ACTR2: variants seen among roughly 807,000 people sequenced by gnomAD.
The protein encoded by ACTR2 is actin-related protein 2.
A neutral mutation model predicts 50.2 loss-of-function variants in ACTR2; 5 were observed. The ratio of observed to expected loss-of-function variants is 0.10; its 90% CI spans 0.05 to 0.21. The LOEUF (loss-of-function observed/expected upper bound fraction) is 0.21. ACTR2 is among the 10% of genes least tolerant of loss of function. The pLI is 1.00. For synonymous variants in ACTR2, 140 were observed against 162.9 expected (o/e 0.86, Z 1.07); for missense variants, 180 against 480.6 (o/e 0.37, Z 5.85).
intron 6 of ACTR2, among the ~76,000 whole-genome samples, chr2:65,259,460 G>GCCA (rs1452696812): frequency 2.0e-5 from 3 of 152,080 alleles, no homozygotes; most frequent in African/African-American, 7.2e-5. Flanking sequence ...AGGCATGGTG[G>GCCA]CTCATGCCTG....
At chr2:65,228,383 T>C (rs1671571172) in intron 1 of ACTR2, 1 of 161,222 alleles carries the variant, frequency 6.2e-6, no homozygotes, top group Admixed American at 6.7e-5. Flanking sequence ...TCTTCCTGTA[T>C]AGTTGAAGAT....
At chr2:65,246,784 T>G in intron 3 of ACTR2, 45 bp downstream of exon 3, 1 of 1,340,020 alleles carries the variant, frequency 7.5e-7, no homozygotes, top group Non-Finnish European at 1.0e-6. Flanking sequence ...TCTGTGATAT[T>G]ATGTTAAATC....
chr2:65,267,582 A>C (rs1173664427), intron 8 of ACTR2, among the ~76,000 whole-genome samples: 1 of 152,222 alleles, frequency 6.6e-6, no homozygotes, highest in Non-Finnish European at 1.5e-5. Context: ...TTGACCAACC[A>C]TAAAGATAAG....
chr2:65,268,552 T>A lies in ACTR2; in HGVS notation c.1015-12T>A. ...ACATGTACCATTTCATTATCCTTTC[T>A]TTCTCCTTTAGAAATTTAAGATCCG... On this transcript the variant is annotated splice_polypyrimidine_tract_variant and intron_variant, in intron 8 of 8. Coordinates refer to ENST00000260641, the MANE Select transcript of ACTR2 (RefSeq NM_005722.4). The A allele has an allele frequency of 6.2e-7, 1 of 1,608,274 alleles. No homozygotes were observed.
At chr2:65,253,214 C>G (rs1009655688) in intron 4 of ACTR2, among the ~76,000 whole-genome samples, 1 of 152,124 alleles carries the variant, frequency 6.6e-6, no homozygotes, top group Non-Finnish European at 1.5e-5. Flanking sequence ...CCAAGGCAGA[C>G]AGATCACTTG....
chr2:65,265,266 C>T (rs576518248), intron 8 of ACTR2, 91 bp downstream of exon 8: 8 of 1,455,548 alleles, frequency 5.5e-6, no homozygotes, highest in Admixed American at 1.7e-5. Flanking sequence ...GGGAGCAAGA[C>T]GTCTTCCAAA....
At position 65,235,216 on chromosome 2, in the gene ACTR2, G is replaced by T. The variant is rs72892652; in HGVS notation, c.49-4636G>T. Among the ~76,000 whole-genome samples, 1,417 of 151,914 alleles carry T rather than the reference G, an allele frequency of 9.3e-3. 34 individuals are homozygous for T. The highest frequency in any genetic ancestry group is 0.032 in the African/African-American group (1,314 of 41,424). On this transcript the variant is annotated intron_variant, in intron 1 of 8. Coordinates refer to ENST00000260641, the MANE Select transcript of ACTR2 (RefSeq NM_005722.4). Reference sequence around the variant, plus strand: ...CACGTGGTGTGTGTGTTATGTTTTAGTTTGAAAATACTAAAAAATACTAGA... The same window carrying T: ...CACGTGGTGTGTGTGTTATGTTTTATTTTGAAAATACTAAAAAATACTAGA...
intron 2 of ACTR2, among the ~76,000 whole-genome samples, chr2:65,244,547 A>T (rs1264505648): frequency 1.3e-5 from 2 of 152,178 alleles, no homozygotes; most frequent in African/African-American, 2.4e-5. Flanking sequence ...ATGGATTTCA[A>T]AGTAAGTTGC....
chr2:65,227,866 G>A lies in ACTR2; in HGVS notation c.-44G>A, dbSNP rs1000689455. On this transcript the variant is annotated 5_prime_UTR_variant, in exon 1 of 9. Coordinates refer to ENST00000260641, the MANE Select transcript of ACTR2 (RefSeq NM_005722.4). ...GAAGAGAAAACGGCCGGGCGGCGGT[G>A]GCTGTAGGTTGTGCGGCTGCAGCGG... 9 of 1,494,862 alleles carry A rather than the reference G, an allele frequency of 6.0e-6. No individual in the cohort carries two copies. In the African/African-American group the frequency reaches 1.2e-4, roughly 19 times the overall value. The allele number at this position is 1,494,862 out of a possible 1,614,324, so 92.6% of individuals were successfully genotyped here.
rs1477061193 is a variant in ACTR2, at chr2:65,255,691, T to C, written c.732T>C (p.Tyr244=). The C allele has an allele frequency of 1.9e-6, 3 of 1,613,176 alleles. No individual in the cohort carries two copies. Among genetic ancestry groups the C allele is most frequent in the Non-Finnish European group, 2.5e-6 (3 of 1,179,302 alleles). Residue 244 remains tyrosine, a synonymous_variant, in exon 6 of 9, where the codon TAT becomes TAC. Coordinates refer to ENST00000260641, the MANE Select transcript of ACTR2 (RefSeq NM_005722.4). ...AAACCACAGTATTAGTTGAATCTTA[T>C]ACAGTAAGTGTTTCCAGTGTATAAT... ...ALETTVLVES[Y]TLPDGRIIKV...
intron 8 of ACTR2, among the ~76,000 whole-genome samples, chr2:65,268,211 A>G (rs553751197): frequency 3.7e-4 from 56 of 152,182 alleles, no homozygotes; most frequent in African/African-American, 1.3e-3. Context: ...TGGATGGGAA[A>G]TTTGCTCTAA....
intron 3 of ACTR2, among the ~76,000 whole-genome samples, chr2:65,250,372 A>C (rs1208388037): frequency 7.1e-6 from 1 of 141,256 alleles, no homozygotes; most frequent in Admixed American, 7.0e-5. Flanking sequence ...TCAAAAAAAG[A>C]AAAAAAAAAG....
At chr2:65,239,176 C>T (rs1050820223) in intron 1 of ACTR2, among the ~76,000 whole-genome samples, 20 of 151,736 alleles carry the variant, frequency 1.3e-4, no homozygotes, top group Admixed American at 7.2e-4. Context: ...AGCATTTTGC[C>T]GGGCATGGTG....
At chr2:65,247,350 A>G (rs544976954) in intron 3 of ACTR2, among the ~76,000 whole-genome samples, 17 of 152,268 alleles carry the variant, frequency 1.1e-4, no homozygotes, top group Admixed American at 7.8e-4. Flanking sequence ...GCACTTTGGG[A>G]GGCGGAGGCG....
intron 1 of ACTR2, among the ~76,000 whole-genome samples, chr2:65,233,686 A>G (rs1558619639): frequency 6.6e-6 from 1 of 151,380 alleles, no homozygotes; most frequent in Non-Finnish European, 1.5e-5. Context: ...ATCTCGGCTC[A>G]CTGCAACCTC....
At chr2:65,261,140 A>C in intron 6 of ACTR2, 107 bp from the exon 7 acceptor site, 1 of 1,068,718 alleles carries the variant, frequency 9.4e-7, no homozygotes, top group Non-Finnish European at 1.3e-6. Flanking sequence ...GTTGTTGGTA[A>C]TGATTTTGGT....
chr2:65,253,411 C>T (rs1672089362), intron 4 of ACTR2, among the ~76,000 whole-genome samples: 1 of 151,812 alleles, frequency 6.6e-6, no homozygotes. Context: ...CCACTGTACT[C>T]CTCCAGCCTG....
intron 1 of ACTR2, among the ~76,000 whole-genome samples, chr2:65,234,498 C>T (rs534247659): frequency 1.3e-5 from 2 of 152,112 alleles, no homozygotes; most frequent in South Asian, 2.1e-4. Flanking sequence ...TTTTTGTCTT[C>T]TAACTTGGGA....
chr2:65,246,891 A>C (rs1671947879), intron 3 of ACTR2, 152 bp downstream of exon 3: 2 of 593,944 alleles, frequency 3.4e-6, no homozygotes, highest in Non-Finnish European at 5.6e-6. Flanking sequence ...TCATTATTCT[A>C]AGTAGGAAAG....
Sources: allele counts gnomAD v4.1 joint callset (sites outside exome capture counted in the v4.1 genomes callset), GRCh38; gene constraint gnomAD v4.1.1; transcripts MANE v1.5; gene names NCBI Gene and HGNC (gene_info 2026-07-23, HGNC 2026-07-21).